The following DPP10 variants were observed in gnomAD, a reference collection of about 807,000 sequenced individuals.
The protein encoded by DPP10 is dipeptidyl peptidase like 10.
A neutral mutation model predicts 120.9 loss-of-function variants in DPP10; 33 were observed. The ratio of observed to expected loss-of-function variants is 0.27; its 90% confidence interval spans 0.21 to 0.37. The LOEUF is 0.37. Among genes scored for constraint, DPP10 ranks in the 10% least tolerant of loss-of-function variants. DPP10 has a pLI of 1.00. For synonymous variants in DPP10, 337 were observed against 326.1 expected, an observed-to-expected ratio of 1.03 and a Z score of -0.36; for missense variants, 816 against 942.8, an observed-to-expected ratio of 0.87 and a Z score of 1.76.
chr2:115,512,338 A>C (rs1372612992), intron 4 of DPP10, among the ~76,000 whole-genome samples: 1 of 151,916 alleles, frequency 6.6e-6, no homozygotes, highest in Non-Finnish European at 1.5e-5. Context: ...TACCCCAAGC[A>C]ATCCTCCCAC....
chr2:114,927,174 A>G lies in DPP10; in HGVS notation c.61-382065A>G, dbSNP rs553166565. 3.3e-5 allele frequency among the ~76,000 whole-genome samples: 5 copies of G among 152,176 alleles called. No homozygotes were observed. In the East Asian group the frequency reaches 5.8e-4, roughly 18 times the overall value. Reference sequence around the variant, plus strand: ...AGGGGAAGATACATTTTTAAGCAGCATTCCAGGCTAATATGGGAGTACATG... The same window carrying G: ...AGGGGAAGATACATTTTTAAGCAGCGTTCCAGGCTAATATGGGAGTACATG... On this transcript the variant is annotated intron_variant, in intron 1 of 25. Transcript: ENST00000410059.
chr2:115,543,222 G>A (rs553913647), intron 5 of DPP10, among the ~76,000 whole-genome samples: 69 of 152,136 alleles, frequency 4.5e-4, no homozygotes, highest in Middle Eastern at 3.4e-3. Context: ...AAATAGACCT[G>A]CCAGAAAATT....
At chr2:115,637,667 TA>T (rs1207585803) in intron 5 of DPP10, among the ~76,000 whole-genome samples, 1 of 152,160 alleles carries the variant, frequency 6.6e-6, no homozygotes, top group East Asian at 1.9e-4. Flanking sequence ...TTATTGAATT[TA>T]TGAGTGAGCC....
chr2:115,733,379 G>A (rs1250039432), intron 8 of DPP10, among the ~76,000 whole-genome samples: 1 of 152,160 alleles, frequency 6.6e-6, no homozygotes, highest in African/African-American at 2.4e-5. Context: ...GTTATCAGTA[G>A]TGCTGAGTCT....
At chr2:115,817,478 A>G (rs75081482) in intron 21 of DPP10, among the ~76,000 whole-genome samples, 1,961 of 152,264 alleles carry the variant, frequency 0.013, 45 homozygotes, top group African/African-American at 0.042. Flanking sequence ...GAAATGAGTA[A>G]AATACAAATC....
chr2:114,546,504 A>T (rs961195174), intron 1 of DPP10, among the ~76,000 whole-genome samples: 2 of 152,206 alleles, frequency 1.3e-5, no homozygotes, highest in African/African-American at 4.8e-5. Flanking sequence ...GCAGGGATAG[A>T]TAGCCAAACT....
intron 1 of DPP10, among the ~76,000 whole-genome samples, chr2:115,250,809 G>A (rs1406371537): frequency 6.6e-6 from 1 of 152,100 alleles, no homozygotes; most frequent in South Asian, 2.1e-4. Context: ...TTATATTAAT[G>A]AACAGTAGTA....
intron 5 of DPP10, among the ~76,000 whole-genome samples, chr2:115,550,290 G>A (rs17044659): frequency 0.032 from 4,927 of 152,168 alleles, 267 homozygotes; most frequent in African/African-American, 0.11. Flanking sequence ...CATGGCATGC[G>A]TATCATCCAA....
At chr2:115,237,029 C>A (rs2058039278) in intron 1 of DPP10, among the ~76,000 whole-genome samples, 1 of 151,656 alleles carries the variant, frequency 6.6e-6, no homozygotes, top group Non-Finnish European at 1.5e-5. Context: ...CAACAGCCAT[C>A]ACAATAATAA....
intron 1 of DPP10, among the ~76,000 whole-genome samples, chr2:114,959,444 T>C (rs1286063078): frequency 6.6e-6 from 1 of 152,216 alleles, no homozygotes; most frequent in Admixed American, 6.5e-5. Context: ...ATGGTAAGGA[T>C]ATCACACATT....
At chr2:115,016,874 G>A (rs1056617740) in intron 1 of DPP10, among the ~76,000 whole-genome samples, 3 of 152,088 alleles carry the variant, frequency 2.0e-5, no homozygotes, top group African/African-American at 7.2e-5. Context: ...ATACTATGCA[G>A]CCATAGAAAA....
intron 1 of DPP10, among the ~76,000 whole-genome samples, chr2:115,174,132 A>G (rs763856941): frequency 5.9e-5 from 9 of 152,198 alleles, no homozygotes; most frequent in Admixed American, 2.0e-4. Context: ...TCTGAAAGCA[A>G]TAAGGTTAAC....
chr2:114,642,774 A>G (rs1695806994), intron 1 of DPP10, among the ~76,000 whole-genome samples: 1 of 151,962 alleles, frequency 6.6e-6, no homozygotes, highest in Non-Finnish European at 1.5e-5. Flanking sequence ...TGCTTAACAC[A>G]GAAATCATCA....
chr2:114,908,304 A>T (rs1277950504), intron 1 of DPP10, among the ~76,000 whole-genome samples: 1 of 151,806 alleles, frequency 6.6e-6, no homozygotes, highest in Admixed American at 6.6e-5. Context: ...TTCACATTTA[A>T]TGTTATTATT....
chr2:115,503,617 T>A (rs946560268), intron 4 of DPP10, among the ~76,000 whole-genome samples: 1 of 152,174 alleles, frequency 6.6e-6, no homozygotes, highest in African/African-American at 2.4e-5. Flanking sequence ...TAATTATTTG[T>A]AAGATTTGGT....
intron 11 of DPP10, among the ~76,000 whole-genome samples, chr2:115,760,491 G>A (rs1265077151): frequency 6.6e-6 from 1 of 152,182 alleles, no homozygotes. Context: ...GGATAAACTT[G>A]TCAAACTCAT....
intron 1 of DPP10, among the ~76,000 whole-genome samples, chr2:114,769,945 T>C (rs1418215096): frequency 3.9e-5 from 6 of 152,176 alleles, no homozygotes; most frequent in Non-Finnish European, 7.3e-5. Flanking sequence ...AGGTGTTTGC[T>C]GACTCCACGC....
chr2:115,805,180 C>T (rs1240515382), intron 19 of DPP10, among the ~76,000 whole-genome samples: 1 of 152,148 alleles, frequency 6.6e-6, no homozygotes, highest in Non-Finnish European at 1.5e-5. Flanking sequence ...TGATCTCAGA[C>T]TGCTGTGCTA....
intron 1 of DPP10, among the ~76,000 whole-genome samples, chr2:114,452,556 A>C (rs1678348158): frequency 3.3e-5 from 5 of 152,182 alleles, no homozygotes; most frequent in Admixed American, 2.0e-4. Context: ...AGCATTGTCC[A>C]TTCGCTCCTT....
Sources: allele counts gnomAD v4.1 joint callset (sites outside exome capture counted in the v4.1 genomes callset), GRCh38; gene constraint gnomAD v4.1.1; transcripts MANE v1.5; gene names NCBI Gene and HGNC (gene_info 2026-07-23, HGNC 2026-07-21).